The following SCIN variants were observed in gnomAD, a reference collection of about 807,000 sequenced individuals.
SCIN encodes the protein adseverin.
A neutral mutation model predicts 91.8 loss-of-function variants in SCIN; 91 were observed. The observed-to-expected ratio is 0.99, with a 90% CI of 0.84 to 1.18. The LOEUF is 1.18. Ranked by LOEUF, SCIN falls within the 50% of genes most tolerant of loss-of-function variation. The probability of loss-of-function intolerance (pLI) is 0.00; values close to 1 mark genes in which losing one functional copy is unlikely to be tolerated. For synonymous variants in SCIN, 367 were observed against 312.6 expected (o/e 1.17, Z -1.84); for missense variants, 1,087 against 863.9 (o/e 1.26, Z -3.24).
chr7:12,648,365 T>C (rs1784009136), intron 13 of SCIN, among the ~76,000 whole-genome samples: 1 of 151,196 alleles, frequency 6.6e-6, no homozygotes, highest in African/African-American at 2.4e-5. Flanking sequence ...GGCACGGTCT[T>C]GACTCACTGC....
intron 3 of SCIN, among the ~76,000 whole-genome samples, chr7:12,583,447 G>A (rs201667552): frequency 9.3e-4 from 142 of 152,264 alleles, no homozygotes; most frequent in Middle Eastern, 6.8e-3. Flanking sequence ...TGCCAGTTGC[G>A]TGATGACCCA....
At chr7:12,600,564 T>C (rs766434415) in intron 3 of SCIN, among the ~76,000 whole-genome samples, 21 of 152,232 alleles carry the variant, frequency 1.4e-4, no homozygotes, top group Non-Finnish European at 2.5e-4. Context: ...ATAGGGTCAA[T>C]GTTTTTCTGT....
intron 14 of SCIN, among the ~76,000 whole-genome samples, chr7:12,650,922 C>T (rs1415924682): frequency 6.6e-6 from 1 of 152,112 alleles, no homozygotes; most frequent in African/African-American, 2.4e-5. Context: ...TGGTCTCTTC[C>T]AGCCAAGATC....
chr7:12,655,163 G>C lies in SCIN; in HGVS notation c.*2448G>C, dbSNP rs1244283794. 1 of 152,090 alleles carries C rather than the reference G, an allele frequency of 6.6e-6. No individual in the cohort carries two copies. The highest frequency in any genetic ancestry group is 1.5e-5 in the Non-Finnish European group (1 of 68,002). 9.4% of individuals were successfully genotyped at this position (152,090 alleles called of 1,614,324 possible). ...TGCGTTACTTATAATACCTAATACAGTGTAAACGCTGTGTAAACAGTTGTT... is the reference window on the plus strand; with the variant it reads ...TGCGTTACTTATAATACCTAATACACTGTAAACGCTGTGTAAACAGTTGTT... On this transcript the variant is annotated 3_prime_UTR_variant, in exon 16 of 16. Coordinates refer to ENST00000297029, the MANE Select transcript of SCIN (RefSeq NM_001112706.3).
At chr7:12,619,968 T>C (rs1480034787) in intron 4 of SCIN, among the ~76,000 whole-genome samples, 1 of 152,098 alleles carries the variant, frequency 6.6e-6, no homozygotes, top group East Asian at 1.9e-4. Context: ...TAAATCTTTT[T>C]TATTTTTTAG....
chr7:12,603,850 A>G (rs1046986659), intron 3 of SCIN, among the ~76,000 whole-genome samples: 1 of 152,110 alleles, frequency 6.6e-6, no homozygotes, highest in Non-Finnish European at 1.5e-5. Flanking sequence ...TGAACAATTA[A>G]TGCCTTTCCA....
intron 9 of SCIN, among the ~76,000 whole-genome samples, chr7:12,634,581 G>T (rs1439807307): frequency 6.6e-6 from 1 of 152,030 alleles, no homozygotes; most frequent in African/African-American, 2.4e-5. Flanking sequence ...AACTTTCAAA[G>T]TCTAAATCCA....
intron 13 of SCIN, among the ~76,000 whole-genome samples, chr7:12,647,376 G>A (rs145329884): frequency 3.7e-4 from 57 of 152,210 alleles, no homozygotes; most frequent in African/African-American, 1.3e-3. Flanking sequence ...GGCTTTACAC[G>A]TGTAGATTCC....
rs1240647182 is a variant in SCIN, at chr7:12,625,039, G to A, written c.789G>A (p.Val263=). The A allele has an allele frequency of 3.2e-6, 5 of 1,572,330 alleles. 1 individual carries two copies. Among genetic ancestry groups the A allele is most frequent in the Middle Eastern group, 1.7e-4 (1 of 6,038 alleles). The change falls in exon 6 of 16, where the codon GTG becomes GTA. Residue 263 remains valine, a synonymous_variant. Coordinates refer to ENST00000297029, the MANE Select transcript of SCIN (RefSeq NM_001112706.3). ...MVSDASGSMR[V]TVVAEENPFS... ...CAGATGCAAGTGGCTCCATGAGAGT[G>A]ACTGTGGTGGCAGAAGAAAACCCCT...
intron 1 of SCIN, chr7:12,577,508 C>T (rs928266363): frequency 8.8e-6 from 4 of 455,972 alleles, no homozygotes; most frequent in African/African-American, 6.0e-5. Flanking sequence ...TGAGCAACTT[C>T]ACACAACAGT....
intron 3 of SCIN, chr7:12,589,693 A>G (rs1322456357): frequency 1.3e-5 from 2 of 152,180 alleles, no homozygotes; most frequent in Non-Finnish European, 2.9e-5. Context: ...GTCTTTTGGA[A>G]TTGGAGAGCA....
At chr7:12,602,674 G>A (rs1782983134) in intron 3 of SCIN, among the ~76,000 whole-genome samples, 1 of 152,064 alleles carries the variant, frequency 6.6e-6, no homozygotes, top group Non-Finnish European at 1.5e-5. Context: ...TCTCCTACTT[G>A]CACGTCCATT....
intron 5 of SCIN, among the ~76,000 whole-genome samples, chr7:12,624,459 G>A (rs1055093541): frequency 6.6e-6 from 1 of 152,130 alleles, no homozygotes; most frequent in South Asian, 2.1e-4. Flanking sequence ...CAGGACCTAT[G>A]TTGAAAAAAT....
intron 3 of SCIN, among the ~76,000 whole-genome samples, chr7:12,591,760 G>A (rs1782728151): frequency 6.6e-6 from 1 of 152,128 alleles, no homozygotes; most frequent in African/African-American, 2.4e-5. Flanking sequence ...TTTCGCTTTT[G>A]GAGGAGGGTG....
At chr7:12,602,124 TAAAG>T (rs2115247290) in intron 3 of SCIN, among the ~76,000 whole-genome samples, 2 of 152,194 alleles carry the variant, frequency 1.3e-5, no homozygotes, top group African/African-American at 4.8e-5. Context: ...GGCTGAGAAA[TAAAG>T]AGAAAGAGTA....
chr7:12,608,078 AATT>A (rs759715116), intron 4 of SCIN, among the ~76,000 whole-genome samples: 2 of 152,154 alleles, frequency 1.3e-5, no homozygotes, highest in Non-Finnish European at 2.9e-5. Flanking sequence ...GCTACTTGGT[AATT>A]ATTATTGTTA....
chr7:12,648,251 G>T (rs1784005013), intron 13 of SCIN, among the ~76,000 whole-genome samples: 1 of 148,808 alleles, frequency 6.7e-6, no homozygotes, highest in Non-Finnish European at 1.5e-5. Context: ...GAAATTTTTT[G>T]ATTTATTAAA....
chr7:12,603,021 C>G (rs1294629199), intron 3 of SCIN, among the ~76,000 whole-genome samples: 1 of 152,128 alleles, frequency 6.6e-6, no homozygotes, highest in Non-Finnish European at 1.5e-5. Flanking sequence ...TGCTGTGGCT[C>G]CAGCCAGTCC....
chr7:12,619,558 T>G (rs1317593512), intron 4 of SCIN, among the ~76,000 whole-genome samples: 4 of 151,872 alleles, frequency 2.6e-5, no homozygotes, highest in Non-Finnish European at 4.4e-5. Flanking sequence ...GGGAAAGAAA[T>G]AAACAAACAC....
Sources: allele counts gnomAD v4.1 joint callset (sites outside exome capture counted in the v4.1 genomes callset), GRCh38; gene constraint gnomAD v4.1.1; transcripts MANE v1.5; gene names NCBI Gene and HGNC (gene_info 2026-07-23, HGNC 2026-07-21).